DACH2: variants seen among roughly 807,000 people sequenced by gnomAD.
DACH2 encodes dachshund homolog 2.
DACH2 carries 17 observed loss-of-function variants against 35.8 expected under a neutral mutation model. The ratio of observed to expected loss-of-function variants is 0.48; its 90% CI spans 0.33 to 0.71. The LOEUF (loss-of-function observed/expected upper bound fraction) is 0.71, where lower values mean the gene tolerates loss of function less well. DACH2 is among the 30% of genes least tolerant of loss of function. The probability of loss-of-function intolerance (pLI) is 0.02; values close to 1 mark genes in which losing one functional copy is unlikely to be tolerated. For synonymous variants in DACH2, 195 were observed against 177.3 expected (o/e 1.10, Z -0.79); for missense variants, 469 against 472.7 (o/e 0.99, Z 0.07).
chrX:86,584,353 T>A (rs1371658303), intron 3 of DACH2, among the ~76,000 whole-genome samples: 6 of 111,233 alleles, frequency 5.4e-5, no homozygotes, highest in Non-Finnish European at 9.5e-5. Flanking sequence ...TTCTGATACC[T>A]TTGCCATTTT....
chrX:86,635,084 A>G (rs5923578), intron 3 of DACH2, among the ~76,000 whole-genome samples: 28,197 of 110,485 alleles, frequency 0.26, 3,625 homozygotes, highest in Middle Eastern at 0.42. Context: ...CTTCAGGCTA[A>G]TACCTTTGAG....
At chrX:86,569,225 T>TAAG (rs2039332490) in intron 3 of DACH2, among the ~76,000 whole-genome samples, 1 of 110,966 alleles carries the variant, frequency 9.0e-6, no homozygotes, top group South Asian at 3.8e-4. Flanking sequence ...AATAACGTGT[T>TAAG]AAGTCAGGTA....
At chrX:86,576,550 C>T in intron 3 of DACH2, among the ~76,000 whole-genome samples, 1 of 111,188 alleles carries the variant, frequency 9.0e-6, no homozygotes. Flanking sequence ...TCATCATCTG[C>T]ATAAGGGGTT....
chrX:86,354,847 T>TA (rs1388386769), intron 1 of DACH2, among the ~76,000 whole-genome samples: 1 of 13,083 alleles, frequency 7.6e-5, no homozygotes, highest in African/African-American at 9.0e-4. Context: ...AAAAAATAAA[T>TA]GAAAAAAAAA....
At chrX:86,734,104 G>A (rs2041567405) in intron 6 of DACH2, among the ~76,000 whole-genome samples, 1 of 110,697 alleles carries the variant, frequency 9.0e-6, no homozygotes, top group Admixed American at 9.7e-5. Flanking sequence ...CCCACTTGAA[G>A]GTATTTTATG....
chrX:86,795,349 T>A (rs771591073), intron 7 of DACH2, among the ~76,000 whole-genome samples: 20 of 107,364 alleles, frequency 1.9e-4, no homozygotes, highest in African/African-American at 6.4e-4. Context: ...TTCTTCCGCC[T>A]CAGCCTCCCG....
chrX:86,594,966 C>A (rs1051922940), intron 3 of DACH2, among the ~76,000 whole-genome samples: 13 of 111,467 alleles, frequency 1.2e-4, no homozygotes, highest in Non-Finnish European at 1.5e-4. Context: ...TTGTTAGGCA[C>A]ATTCACCTTC....
Position 86,277,979 on chromosome X carries a change from G to T in DACH2, c.489-98845G>T, listed in dbSNP as rs774281583. ...ATTTCTCAATCGGATTGTGATGTGC[G>T]ACGAAAAGTGGATTTTAGACAACAA... On this transcript the variant is annotated intron_variant, in intron 1 of 11. Coordinates refer to ENST00000373125, the MANE Select transcript of DACH2 (RefSeq NM_053281.3). Among the ~76,000 whole-genome samples, 209 of 111,537 alleles carry T rather than the reference G, an allele frequency of 1.9e-3. 2 individuals are homozygous for T. Among genetic ancestry groups the T allele is most frequent in the Non-Finnish European group, 3.0e-3 (162 of 53,170 alleles).
chrX:86,656,039 C>CG (rs1556358764), intron 4 of DACH2, among the ~76,000 whole-genome samples: 1 of 100,610 alleles, frequency 9.9e-6, no homozygotes, highest in Non-Finnish European at 2.0e-5. Flanking sequence ...TCCCCCCCCC[C>CG]ACTAATCTGT....
At chrX:86,651,197 G>A in intron 4 of DACH2, 30 bp downstream of exon 4, 1 of 1,190,415 alleles carries the variant, frequency 8.4e-7, no homozygotes, top group South Asian at 1.9e-5. Flanking sequence ...CCAGACCAAT[G>A]ACTCTTACTG....
intron 1 of DACH2, among the ~76,000 whole-genome samples, chrX:86,276,950 G>A (rs1391719576): frequency 9.0e-6 from 1 of 111,661 alleles, no homozygotes; most frequent in African/African-American, 3.3e-5. Flanking sequence ...TATAAAATTT[G>A]TAGTTGGGTA....
chrX:86,232,020 G>C (rs1208534117), intron 1 of DACH2, among the ~76,000 whole-genome samples: 1 of 111,434 alleles, frequency 9.0e-6, no homozygotes, highest in Admixed American at 9.5e-5. Flanking sequence ...AGCTTCTCCA[G>C]TGGGGGTGTG....
intron 11 of DACH2, chrX:86,831,108 G>A (rs1411383828): frequency 9.0e-6 from 1 of 110,670 alleles, no homozygotes; most frequent in Non-Finnish European, 1.9e-5. Flanking sequence ...TGGTTCTGAG[G>A]TATTATCTAG....
intron 3 of DACH2, among the ~76,000 whole-genome samples, chrX:86,619,204 C>G (rs6653108): frequency 0.2 from 22,022 of 111,000 alleles, 1,663 homozygotes; most frequent in South Asian, 0.36. Flanking sequence ...GGTCTTCCCA[C>G]AACCCTACCA....
intron 3 of DACH2, among the ~76,000 whole-genome samples, chrX:86,640,454 G>A (rs1330211014): frequency 9.0e-6 from 1 of 111,529 alleles, no homozygotes; most frequent in Non-Finnish European, 1.9e-5. Flanking sequence ...TGGGCCCAAA[G>A]CACAAACCTT....
chrX:86,578,171 C>T (rs979486036), intron 3 of DACH2, among the ~76,000 whole-genome samples: 1 of 110,780 alleles, frequency 9.0e-6, no homozygotes, highest in African/African-American at 3.3e-5. Context: ...GATCTAATGC[C>T]ATCTCCAGGT....
At chrX:86,315,938 A>T (rs2034896552) in intron 1 of DACH2, among the ~76,000 whole-genome samples, 1 of 110,108 alleles carries the variant, frequency 9.1e-6, no homozygotes, top group Non-Finnish European at 1.9e-5. Context: ...ACCAAGTTGT[A>T]GTAAAAATAT....
intron 2 of DACH2, among the ~76,000 whole-genome samples, chrX:86,398,966 T>A (rs903258063): frequency 2.7e-5 from 3 of 111,626 alleles, no homozygotes; most frequent in African/African-American, 9.8e-5. Context: ...CATTGATCTG[T>A]CTAATGTTGA....
At chrX:86,519,486 A>G (rs867080396) in intron 3 of DACH2, among the ~76,000 whole-genome samples, 1 of 111,324 alleles carries the variant, frequency 9.0e-6, no homozygotes, top group Non-Finnish European at 1.9e-5. Context: ...GCTCTTCTTT[A>G]TACATCTCGT....
Sources: allele counts gnomAD v4.1 joint callset (sites outside exome capture counted in the v4.1 genomes callset), GRCh38; gene constraint gnomAD v4.1.1; transcripts MANE v1.5; gene names NCBI Gene and HGNC (gene_info 2026-07-23, HGNC 2026-07-21).